The following CCDC60 variants were observed in gnomAD, a reference collection of about 807,000 sequenced individuals.
CCDC60 encodes coiled-coil domain containing 60, also known as coiled-coil domain-containing protein 60.
A neutral mutation model predicts 63.5 loss-of-function variants in CCDC60; 54 were observed. That is an observed-to-expected ratio of 0.85 (90% CI 0.68 to 1.07). The LOEUF is 1.07. Among genes scored for constraint, CCDC60 ranks in the 50% least tolerant of loss-of-function variants. CCDC60 has a pLI of 0.00. For synonymous variants in CCDC60, 206 were observed against 238.8 expected (o/e 0.86, Z 1.27); for missense variants, 651 against 684.3 (o/e 0.95, Z 0.54).
intron 6 of CCDC60, among the ~76,000 whole-genome samples, chr12:119,502,936 A>C (rs547388762): frequency 5.5e-4 from 84 of 152,320 alleles, no homozygotes; most frequent in African/African-American, 1.9e-3. Context: ...TGGGAGACCA[A>C]GGCGGGCAGA....
chr12:119,480,027 CA>C (rs1951270552), intron 4 of CCDC60, among the ~76,000 whole-genome samples: 1 of 151,724 alleles, frequency 6.6e-6, no homozygotes, highest in African/African-American at 2.4e-5. Flanking sequence ...CACACACACA[CA>C]CACACACACA....
intron 2 of CCDC60, among the ~76,000 whole-genome samples, chr12:119,446,911 G>A (rs917695868): frequency 1.1e-4 from 17 of 152,322 alleles, no homozygotes; most frequent in African/African-American, 4.1e-4. Flanking sequence ...CATGATTACA[G>A]GCAAGGACCT....
chr12:119,461,440 T>G (rs1486408244), intron 2 of CCDC60, among the ~76,000 whole-genome samples: 3 of 152,062 alleles, frequency 2.0e-5, no homozygotes, highest in Non-Finnish European at 4.4e-5. Flanking sequence ...AAATGAAACC[T>G]AGGCTTCCTT....
chr12:119,375,750 G>T (rs1423632049), intron 1 of CCDC60, among the ~76,000 whole-genome samples: 1 of 152,176 alleles, frequency 6.6e-6, no homozygotes, highest in Non-Finnish European at 1.5e-5. Flanking sequence ...GAGGGAAGTG[G>T]CTTGGATGTC....
At chr12:119,341,509 G>A (rs1392321386) in intron 1 of CCDC60, among the ~76,000 whole-genome samples, 1 of 152,186 alleles carries the variant, frequency 6.6e-6, no homozygotes, top group Non-Finnish European at 1.5e-5. Flanking sequence ...TGGGGTTGAA[G>A]AACAATAAGA....
intron 1 of CCDC60, among the ~76,000 whole-genome samples, chr12:119,421,530 G>A (rs545853996): frequency 6.6e-6 from 1 of 152,324 alleles, no homozygotes; most frequent in East Asian, 1.9e-4. Context: ...TCTATTTGCT[G>A]TCCTATAGAA....
chr12:119,415,202 A>G lies in CCDC60; in HGVS notation c.91-13481A>G, dbSNP rs187903593. 9.2e-5 allele frequency among the ~76,000 whole-genome samples: 14 copies of G among 152,324 alleles called. No homozygotes were observed. In the East Asian group the frequency reaches 2.3e-3, roughly 25 times the overall value. ...TGCAGCGTCCAACCTGTGCATCCTT[A>G]TATGACAGCCTGCCAGGCTTACAGA... On this transcript the variant is annotated intron_variant, in intron 1 of 13. Coordinates refer to ENST00000327554, the MANE Select transcript of CCDC60 (RefSeq NM_178499.5).
chr12:119,367,785 T>G (rs1254271702), intron 1 of CCDC60, among the ~76,000 whole-genome samples: 2 of 152,274 alleles, frequency 1.3e-5, no homozygotes, highest in East Asian at 3.9e-4. Context: ...AGGATGCATA[T>G]GACATGATCC....
intron 5 of CCDC60, among the ~76,000 whole-genome samples, chr12:119,498,395 C>T (rs565679007): frequency 1.2e-3 from 179 of 152,030 alleles, no homozygotes; most frequent in Non-Finnish European, 1.9e-3. Flanking sequence ...TGCAATGGTG[C>T]GATCTCGGCT....
At position 119,507,560 on chromosome 12, in the gene CCDC60, ATATATATATG is replaced by A. The variant is rs1349567899; in HGVS notation, c.883+2266_883+2275del. Among the ~76,000 whole-genome samples, 29 of 68,864 alleles carry A rather than the reference ATATATATATG, an allele frequency of 4.2e-4. 1 individual carries two copies. The highest frequency in any genetic ancestry group is 1.4e-3 in the East Asian group (2 of 1,470). 45.2% of individuals were successfully genotyped at this position (68,864 alleles called of 152,430 possible). ...TATACACATATATATACATATATAT[ATATATATATG>A]TATATATACACATATATATACATAT... On this transcript the variant is annotated intron_variant, in intron 7 of 13. Transcript: ENST00000327554.
chr12:119,519,095 G>A (rs1187978309), intron 8 of CCDC60, among the ~76,000 whole-genome samples: 1 of 152,158 alleles, frequency 6.6e-6, no homozygotes, highest in Non-Finnish European at 1.5e-5. Context: ...TGGAAAAGCT[G>A]CAGATTCTCT....
chr12:119,393,270 T>G lies in CCDC60; in HGVS notation c.91-35413T>G, dbSNP rs560835731. Reference sequence around the variant, plus strand: ...TCGTGTGTTTTTGTTAAAATGAGATTTGGGCCATTTCAAAGATTTCATCGT... The same window carrying G: ...TCGTGTGTTTTTGTTAAAATGAGATGTGGGCCATTTCAAAGATTTCATCGT... On this transcript the variant is annotated intron_variant, in intron 1 of 13. Coordinates refer to ENST00000327554, the MANE Select transcript of CCDC60 (RefSeq NM_178499.5). 9.2e-5 allele frequency among the ~76,000 whole-genome samples: 14 copies of G among 152,362 alleles called. No individual in the cohort carries two copies. The East Asian group carries it at 1.9e-3, about 21-fold the overall frequency.
intron 2 of CCDC60, among the ~76,000 whole-genome samples, chr12:119,453,107 G>A (rs922282635): frequency 2.0e-5 from 3 of 152,190 alleles, no homozygotes; most frequent in African/African-American, 7.2e-5. Context: ...GATTACAGGC[G>A]TGAGCCACCA....
rs1956942521 is a variant in CCDC60 at position 119,428,670 on chromosome 12, G to T, written c.91-13G>T. The T allele has an allele frequency of 6.4e-7, 1 of 1,562,350 alleles. No homozygotes were observed. Among genetic ancestry groups the T allele is most frequent in the Admixed American group, 1.7e-5 (1 of 57,572 alleles). ...AACACTCCTTTTATTTTAACCCCTT[G>T]TCTTCTCATCAGGTCCCAGACAAGC... On this transcript the variant is annotated splice_polypyrimidine_tract_variant and intron_variant, in intron 1 of 13. Coordinates refer to ENST00000327554, the MANE Select transcript of CCDC60 (RefSeq NM_178499.5).
chr12:119,366,973 C>T (rs1322442690), intron 1 of CCDC60, among the ~76,000 whole-genome samples: 1 of 152,160 alleles, frequency 6.6e-6, no homozygotes, highest in African/African-American at 2.4e-5. Context: ...GCTGGGATTA[C>T]AGGCACCCGC....
intron 1 of CCDC60, among the ~76,000 whole-genome samples, chr12:119,343,659 AC>A (rs1257520770): frequency 1.6e-4 from 13 of 80,306 alleles, no homozygotes; most frequent in Non-Finnish European, 8.0e-5. Flanking sequence ...AGAAAGGCAA[AC>A]TATATATATA....
chr12:119,404,499 T>C (rs1315688792), intron 1 of CCDC60, among the ~76,000 whole-genome samples: 3 of 152,146 alleles, frequency 2.0e-5, no homozygotes, highest in East Asian at 1.9e-4. Context: ...GTGTGTTTCC[T>C]AGCTCTGAGC....
chr12:119,540,683 A>C lies in CCDC60; in HGVS notation c.1621A>C (p.Ile541Leu). 2.5e-6 allele frequency: 4 copies of C among 1,613,992 alleles called. No homozygotes were observed. Among genetic ancestry groups the C allele is most frequent in the Non-Finnish European group, 3.4e-6 (4 of 1,180,006 alleles). The part of the protein sequence containing the change: ...YISWLQSRIN[I>L]PIGPYSALR ...CAGCTGGCTGCAGAGCCGGATCAAC[A>C]TACCCATTGGGCCCTACAGCGCCCT... Residue 541 changes from isoleucine (I) to leucine (L), a missense_variant, in exon 14 of 14, where the codon ATA becomes CTA. Coordinates refer to ENST00000327554, the MANE Select transcript of CCDC60 (RefSeq NM_178499.5).
At position 119,519,839 on chromosome 12, in the gene CCDC60, G is replaced by GGA. The variant is rs748120101; in HGVS notation, c.969-266_969-265dup. Among the ~76,000 whole-genome samples, 8 of 147,748 alleles carry GGA rather than the reference G, an allele frequency of 5.4e-5. 1 individual carries two copies. Among genetic ancestry groups the GGA allele is most frequent in the South Asian group, 2.2e-4 (1 of 4,632 alleles). ...TTTTGCTGTATGGTGGGGAATTTTA[G>GGA]GAGAGAGAGAGAGAGAGTGTGTGTG... On this transcript the variant is annotated intron_variant, in intron 8 of 13. Coordinates refer to ENST00000327554, the MANE Select transcript of CCDC60 (RefSeq NM_178499.5).
Sources: allele counts gnomAD v4.1 joint callset (sites outside exome capture counted in the v4.1 genomes callset), GRCh38; gene constraint gnomAD v4.1.1; transcripts MANE v1.5; gene names NCBI Gene and HGNC (gene_info 2026-07-23, HGNC 2026-07-21).